PCYT2: variants seen among roughly 807,000 people sequenced by gnomAD.
PCYT2 encodes phosphate cytidylyltransferase 2, ethanolamine, also known as ethanolamine-phosphate cytidylyltransferase.
In PCYT2, 33 loss-of-function variants were observed where a neutral mutation model predicts 50.0. The observed-to-expected ratio is 0.66, with a 90% CI of 0.50 to 0.88. The LOEUF (loss-of-function observed/expected upper bound fraction) is 0.88, where lower values mean the gene tolerates loss of function less well. Among genes scored for constraint, PCYT2 ranks in the 40% least tolerant of loss-of-function variants. The pLI, the probability that PCYT2 is intolerant of heterozygous loss-of-function variation, is 0.00. For missense variants in PCYT2, 430 were observed against 519.7 expected (o/e 0.83, Z 1.68); for synonymous variants, 240 against 203.7 (o/e 1.18, Z -1.52).
In PCYT2 at chr17:81,906,795, G is replaced by C; in HGVS notation, c.641C>G (p.Thr214Arg). The C allele has an allele frequency of 4.3e-6, 7 of 1,613,464 alleles. No homozygotes were observed. The highest frequency in any genetic ancestry group is 5.9e-6 in the Non-Finnish European group (7 of 1,179,958). The change falls in exon 7 of 13, where the codon ACA (threonine) becomes AGA (arginine). Residue 214 changes from threonine (T) to arginine (R), a missense_variant. This residue lies in a region of PCYT2 where 248 missense variants were observed against 300.2 expected (regional missense o/e 0.83). Transcript: ENST00000538936. ...ASGKEPQPGE[T>R]VIYVAGAFDL... ...GAAGGCACCAGCCACATAGATGACT[G>C]TCTCCCCTGGCTGGGGCTCCTTCCC...
chr17:81,905,924 C>T, intron 9 of PCYT2, 176 bp downstream of exon 9: 6 of 746,482 alleles, frequency 8.0e-6, no homozygotes, highest in Non-Finnish European at 1.1e-5. Flanking sequence ...GAGACCTGAC[C>T]ACCCCTCCTC....
In PCYT2 at chr17:81,906,869, C is replaced by T. The variant is rs751990224; in HGVS notation, c.567G>A (p.Gly189=). 6.2e-7 allele frequency: 1 copy of T among 1,613,256 alleles called. No individual in the cohort carries two copies. The highest frequency in any genetic ancestry group is 2.2e-5 in the East Asian group (1 of 44,886). Residue 189 remains glycine, a synonymous_variant, in exon 7 of 13, where the codon GGG becomes GGA. Coordinates refer to ENST00000538936, the MANE Select transcript of PCYT2 (RefSeq NM_002861.5). ...KCPGGRNPWT[G]VSQFLQTSQK... The stretch of plus-strand genomic sequence containing the variant: ...GAGATGTCTGCAGGAACTGGGATAC[C>T]CCGGTCCAGGGGTTCCGCCCACCAG...
chr17:81,910,942 C>A (rs1238162153), intron 1 of PCYT2: 22 of 988,780 alleles, frequency 2.2e-5, no homozygotes, highest in Non-Finnish European at 3.6e-6. Context: ...ACCCCTGGAC[C>A]GGAGCCGGGC....
At chr17:81,910,737 C>T (rs1024443868) in intron 1 of PCYT2, among the ~76,000 whole-genome samples, 1 of 152,246 alleles carries the variant, frequency 6.6e-6, no homozygotes, top group Non-Finnish European at 1.5e-5. Flanking sequence ...TTATCAGTAA[C>T]GGTCGTCTTC....
intron 6 of PCYT2, chr17:81,907,137 G>A (rs771019207): frequency 1.5e-6 from 2 of 1,329,464 alleles, no homozygotes; most frequent in Non-Finnish European, 2.0e-6. Flanking sequence ...AGGAGGCAAG[G>A]AGCCCTGTGG....
rs751123614 is a variant in PCYT2 at position 81,901,155 on chromosome 17, C to G, written c.*3678G>C. 2 of 150,758 alleles carry G rather than the reference C, an allele frequency of 1.3e-5. No individual in the cohort carries two copies. The highest frequency in any genetic ancestry group is 4.9e-5 in the African/African-American group (2 of 40,906). 9.3% of individuals were successfully genotyped at this position (150,758 alleles called of 1,614,324 possible). On this transcript the variant is annotated 3_prime_UTR_variant, in exon 13 of 13. Transcript: ENST00000538936. ...CCCTGGCAAGCCACTGGTGTAGGTCCGAGAGTCCAAAAGCTGAAGAACCTG... is the reference window on the plus strand; with the variant it reads ...CCCTGGCAAGCCACTGGTGTAGGTCGGAGAGTCCAAAAGCTGAAGAACCTG...
chr17:81,905,488 A>G, intron 10 of PCYT2, 41 bp from the exon 11 acceptor site: 2 of 1,541,380 alleles, frequency 1.3e-6, no homozygotes, highest in Non-Finnish European at 1.8e-6. Context: ...CCGGGGAGGC[A>G]GCGGCCGTCG....
rs8069388 is a variant in PCYT2 at position 81,904,948 on chromosome 17, A to G, written c.1059-4T>C. On this transcript the variant is annotated splice_polypyrimidine_tract_variant and splice_region_variant and intron_variant, in intron 12 of 12. Transcript: ENST00000538936. The stretch of plus-strand genomic sequence containing the variant: ...GTTTCGCGCCTCATACTCCAACCTG[A>G]GAGGGCAGGGTAAGTCTAGCAGAGA... 0.013 allele frequency: 20,340 copies of G among 1,606,426 alleles called. 2,214 individuals carry two copies. The African/African-American group carries it at 0.24, about 19-fold the overall frequency.
Position 81,904,656 on chromosome 17 carries a change from A to G in PCYT2, c.*177T>C, listed in dbSNP as rs1430261862. The G allele has an allele frequency of 3.4e-6, 2 of 586,976 alleles. No homozygotes were observed. The highest frequency in any genetic ancestry group is 3.7e-5 in the African/African-American group (2 of 53,724). 36.4% of individuals were successfully genotyped at this position (586,976 alleles called of 1,614,324 possible). A position where few individuals can be genotyped will look rare whatever the true frequency, so the allele number is the denominator to read the frequency against. On this transcript the variant is annotated 3_prime_UTR_variant, in exon 13 of 13. Coordinates refer to ENST00000538936, the MANE Select transcript of PCYT2 (RefSeq NM_002861.5). Reference sequence around the variant, plus strand: ...CACCCTCTCTGAGCAGCTTTGCTGGAAAGAGCGGAGAGCCTGCTGCAAACC... The same window carrying G: ...CACCCTCTCTGAGCAGCTTTGCTGGGAAGAGCGGAGAGCCTGCTGCAAACC...
rs574751988 is a variant in PCYT2, at chr17:81,905,192, T to C, written c.970-38A>G. On this transcript the variant is annotated intron_variant, in intron 11 of 12. Coordinates refer to ENST00000538936, the MANE Select transcript of PCYT2 (RefSeq NM_002861.5). The stretch of plus-strand genomic sequence containing the variant: ...AGAGGAGGAGCGGGATGAAGGTCCC[T>C]GCTGACCTCCCCAAGACCCATCTGA... The C allele has an allele frequency of 1.6e-5, 24 of 1,548,386 alleles. No individual in the cohort carries two copies. The South Asian group carries it at 2.5e-4, about 16-fold the overall frequency.
Position 81,902,190 on chromosome 17 carries a change from G to C in PCYT2, c.*2643C>G. The C allele has an allele frequency of 8.7e-7, 1 of 1,146,634 alleles. No individual in the cohort carries two copies. Among genetic ancestry groups the C allele is most frequent in the Non-Finnish European group, 1.1e-6 (1 of 920,684 alleles). 71.0% of individuals were successfully genotyped at this position (1,146,634 alleles called of 1,614,324 possible). On this transcript the variant is annotated 3_prime_UTR_variant, in exon 13 of 13. Coordinates refer to ENST00000538936, the MANE Select transcript of PCYT2 (RefSeq NM_002861.5). The stretch of plus-strand genomic sequence containing the variant: ...GCCCCTCCCGGCCCTCCGCAGCCTC[G>C]GCCCGCCCTCGCCGCAGATATAAGG...
chr17:81,907,738 A>G (rs959373599), intron 5 of PCYT2, 35 bp downstream of exon 5: 9 of 1,605,268 alleles, frequency 5.6e-6, no homozygotes, highest in Non-Finnish European at 6.8e-6. Flanking sequence ...GGAGACCTCG[A>G]CCCAGGGGCC....
At chr17:81,906,056 G>A in intron 9 of PCYT2, 44 bp downstream of exon 9, 1 of 1,540,490 alleles carries the variant, frequency 6.5e-7, no homozygotes, top group Non-Finnish European at 8.9e-7. Flanking sequence ...GGATGTTGTG[G>A]GAATGTCTCC....
chr17:81,907,184 T>G (rs1462097919), intron 6 of PCYT2: 2 of 1,520,956 alleles, frequency 1.3e-6, no homozygotes, highest in Non-Finnish European at 1.8e-6. Flanking sequence ...CCTGGTACCC[T>G]GAGACCACTG....
Position 81,902,251 on chromosome 17 carries a change from G to A in PCYT2, c.*2582C>T, listed in dbSNP as rs1371513319. On this transcript the variant is annotated 3_prime_UTR_variant, in exon 13 of 13. Transcript: ENST00000538936. ...GGTGGCTGCTCCGAGCCCGGACGCC[G>A]CCGCCCACCAGTCAGCCGGCGTCCC... 10 of 1,230,946 alleles carry A rather than the reference G, an allele frequency of 8.1e-6. No individual in the cohort carries two copies. Among genetic ancestry groups the A allele is most frequent in the South Asian group, 3.6e-5 (1 of 27,842 alleles). 76.3% of individuals were successfully genotyped at this position (1,230,946 alleles called of 1,614,324 possible). A position where few individuals can be genotyped will look rare whatever the true frequency, so the allele number is the denominator to read the frequency against.
chr17:81,908,724 T>TA, intron 3 of PCYT2, 90 bp from the exon 4 acceptor site: 1 of 1,340,696 alleles, frequency 7.5e-7, no homozygotes, highest in Non-Finnish European at 1.1e-6. Flanking sequence ...TGGCCTGCCC[T>TA]AGTGTCCGCG....
In PCYT2 at chr17:81,902,197, C is replaced by T; in HGVS notation, c.*2636G>A. On this transcript the variant is annotated 3_prime_UTR_variant, in exon 13 of 13. Transcript: ENST00000538936. ...CCGGCCCTCCGCAGCCTCGGCCCGC[C>T]CTCGCCGCAGATATAAGGCGGCCCA... 1 of 1,184,008 alleles carries T rather than the reference C, an allele frequency of 8.4e-7. No individual in the cohort carries two copies. The highest frequency in any genetic ancestry group is 1.0e-6 in the Non-Finnish European group (1 of 953,388). The allele number at this position is 1,184,008 out of a possible 1,614,324, so 73.3% of individuals were successfully genotyped here. A position where few individuals can be genotyped will look rare whatever the true frequency, so the allele number is the denominator to read the frequency against.
chr17:81,909,457 G>A, intron 2 of PCYT2, 57 bp downstream of exon 2: 1 of 1,546,444 alleles, frequency 6.5e-7, no homozygotes. Context: ...TCAGTCAACA[G>A]TCGCAACCCA....
chr17:81,902,430 G>A lies in PCYT2; in HGVS notation c.*2403C>T, dbSNP rs1266263542. 2.2e-6 allele frequency: 3 copies of A among 1,352,238 alleles called. No homozygotes were observed. Among genetic ancestry groups the A allele is most frequent in the Middle Eastern group, 2.7e-4 (1 of 3,680 alleles). The allele number at this position is 1,352,238 out of a possible 1,614,324, so 83.8% of individuals were successfully genotyped here. A position where few individuals can be genotyped will look rare whatever the true frequency, so the allele number is the denominator to read the frequency against. On this transcript the variant is annotated 3_prime_UTR_variant, in exon 13 of 13. Transcript: ENST00000538936. ...TGCTGTCCGGCCTCCGCAGGTCCCCGTACGCGCGGCGCTCCCAGCCCTACA... is the reference window on the plus strand; with the variant it reads ...TGCTGTCCGGCCTCCGCAGGTCCCCATACGCGCGGCGCTCCCAGCCCTACA...
Sources: gnomAD v4.1 joint callset for allele counts (sites outside exome capture counted in the v4.1 genomes callset) on GRCh38, gnomAD v4.1.1 for gene constraint, gnomAD v4.1.1 regional missense constraint, MANE v1.5 for transcripts, NCBI Gene and HGNC (gene_info 2026-07-23, HGNC 2026-07-21) for gene names.